AGBL4: variants seen among roughly 807,000 people sequenced by gnomAD.
AGBL4 encodes AGBL carboxypeptidase 4, also known as cytosolic carboxypeptidase 6.
A neutral mutation model predicts 66.4 loss-of-function variants in AGBL4; 58 were observed. The ratio of observed to expected loss-of-function variants is 0.87; its 90% CI spans 0.71 to 1.09. The LOEUF (loss-of-function observed/expected upper bound fraction) is 1.09, where lower values mean the gene tolerates loss of function less well. Ranked by LOEUF, AGBL4 falls within the 50% of genes least tolerant of loss-of-function variation. The pLI, the probability that AGBL4 is intolerant of heterozygous loss-of-function variation, is 0.00. For synonymous variants in AGBL4, 234 were observed against 222.9 expected, an observed-to-expected ratio of 1.05 and a Z score of -0.44; for missense variants, 579 against 631.0, an observed-to-expected ratio of 0.92 and a Z score of 0.88.
Position 49,925,976 on chromosome 1 carries a change from A to C in AGBL4, c.35-74458T>G, listed in dbSNP as rs538619494. ...TTGCCACCCTGAAGGAAGCTACACA[A>C]GCCTGTCTGGCTTTGCCACCTGCTG... On this transcript the variant is annotated intron_variant, in intron 1 of 13. Coordinates refer to ENST00000371839, the MANE Select transcript of AGBL4 (RefSeq NM_032785.4). Among the ~76,000 whole-genome samples the C allele has an allele frequency of 4.3e-4, 65 of 152,290 alleles. No homozygotes were observed. In the Middle Eastern group the frequency reaches 0.01, roughly 24 times the overall value.
At chr1:48,832,795 G>A (rs1017736113) in intron 6 of AGBL4, among the ~76,000 whole-genome samples, 1 of 152,208 alleles carries the variant, frequency 6.6e-6, no homozygotes, top group African/African-American at 2.4e-5. Flanking sequence ...TAAAAAGGCA[G>A]AGAAAGGGAA....
intron 9 of AGBL4, among the ~76,000 whole-genome samples, chr1:48,616,887 T>C (rs573948998): frequency 1.2e-3 from 187 of 152,358 alleles, no homozygotes; most frequent in African/African-American, 4.3e-3. Context: ...TTCTTTCCTC[T>C]TGTGGCATTT....
At chr1:49,284,285 G>A (rs1644352654) in intron 3 of AGBL4, among the ~76,000 whole-genome samples, 1 of 151,998 alleles carries the variant, frequency 6.6e-6, no homozygotes, top group African/African-American at 2.4e-5. Flanking sequence ...CTTCATAAGT[G>A]AAGGAGAAAT....
intron 1 of AGBL4, among the ~76,000 whole-genome samples, chr1:49,905,179 A>C (rs1650154760): frequency 6.6e-6 from 1 of 152,144 alleles, no homozygotes; most frequent in East Asian, 1.9e-4. Context: ...CCTGCTTCAC[A>C]AATGTTTCTC....
intron 1 of AGBL4, among the ~76,000 whole-genome samples, chr1:49,990,315 T>C (rs1659842743): frequency 6.6e-6 from 1 of 152,130 alleles, no homozygotes; most frequent in Non-Finnish European, 1.5e-5. Flanking sequence ...GGGAGGTGAT[T>C]GAATCATGTG....
intron 4 of AGBL4, among the ~76,000 whole-genome samples, chr1:49,109,862 A>G (rs1046904077): frequency 5.9e-5 from 9 of 152,162 alleles, no homozygotes; most frequent in African/African-American, 2.2e-4. Flanking sequence ...GTTTTTAGCA[A>G]ATAGAACAAT....
At chr1:49,796,671 T>C (rs1302145682) in intron 2 of AGBL4, among the ~76,000 whole-genome samples, 3 of 151,700 alleles carry the variant, frequency 2.0e-5, no homozygotes, top group Non-Finnish European at 3.0e-5. Context: ...TCTGCTTTTT[T>C]CTATAAATTA....
At chr1:48,669,438 T>C (rs1372598142) in intron 6 of AGBL4, among the ~76,000 whole-genome samples, 1 of 151,926 alleles carries the variant, frequency 6.6e-6, no homozygotes, top group Non-Finnish European at 1.5e-5. Flanking sequence ...TCCTCTATCC[T>C]CTACATGCCA....
intron 9 of AGBL4, among the ~76,000 whole-genome samples, chr1:48,597,494 C>G (rs1398831801): frequency 6.6e-6 from 1 of 152,006 alleles, no homozygotes; most frequent in Non-Finnish European, 1.5e-5. Flanking sequence ...GTAGTGTGAT[C>G]AGGGAAGGCC....
chr1:48,823,463 A>G (rs1407434647), intron 6 of AGBL4, among the ~76,000 whole-genome samples: 1 of 152,160 alleles, frequency 6.6e-6, no homozygotes, highest in South Asian at 2.1e-4. Flanking sequence ...GTCCTTACCA[A>G]TCACCTTTCC....
chr1:48,652,944 A>G (rs1446673488), intron 8 of AGBL4, among the ~76,000 whole-genome samples: 1 of 152,202 alleles, frequency 6.6e-6, no homozygotes, highest in East Asian at 1.9e-4. Context: ...TCTGCAAAAC[A>G]CATTCCTTCC....
chr1:48,852,956 C>T (rs1388857515), intron 6 of AGBL4, among the ~76,000 whole-genome samples: 1 of 152,146 alleles, frequency 6.6e-6, no homozygotes, highest in African/African-American at 2.4e-5. Flanking sequence ...AATCTAACTT[C>T]CTAGTATTCA....
In AGBL4 at chr1:49,836,567, C is replaced by A. The variant is rs1571680122; in HGVS notation, c.157+14829G>T. 2.6e-5 allele frequency among the ~76,000 whole-genome samples: 4 copies of A among 152,156 alleles called. No homozygotes were observed. The South Asian group carries it at 8.3e-4, about 32-fold the overall frequency. On this transcript the variant is annotated intron_variant, in intron 2 of 13. Coordinates refer to ENST00000371839, the MANE Select transcript of AGBL4 (RefSeq NM_032785.4). ...GTTTATTATTACCCACCTTCTGAAG[C>A]CTACTTCTGTCAATTCATCAAACTC...
At chr1:48,842,862 A>G (rs1421105768) in intron 6 of AGBL4, among the ~76,000 whole-genome samples, 13 of 152,184 alleles carry the variant, frequency 8.5e-5, no homozygotes, top group Admixed American at 8.5e-4. Context: ...ATCTCGTTGC[A>G]TGCTACAACA....
chr1:48,776,225 A>AG (rs543076802), intron 6 of AGBL4, among the ~76,000 whole-genome samples: 83 of 152,212 alleles, frequency 5.5e-4, no homozygotes, highest in Non-Finnish European at 9.7e-4. Flanking sequence ...AACAGAGGGA[A>AG]GGAACTGGGA....
chr1:48,699,477 T>C (rs1198959513), intron 6 of AGBL4, among the ~76,000 whole-genome samples: 3 of 152,336 alleles, frequency 2.0e-5, no homozygotes, highest in African/African-American at 7.2e-5. Flanking sequence ...TGCAACCTGA[T>C]GTTCAACTAC....
At chr1:48,941,066 T>C (rs781724897) in intron 5 of AGBL4, among the ~76,000 whole-genome samples, 3 of 152,084 alleles carry the variant, frequency 2.0e-5, no homozygotes, top group Non-Finnish European at 2.9e-5. Flanking sequence ...AGAGGATCAA[T>C]AGAAGCTTCA....
intron 3 of AGBL4, among the ~76,000 whole-genome samples, chr1:49,298,532 G>A (rs1644684935): frequency 6.6e-6 from 1 of 152,168 alleles, no homozygotes; most frequent in Non-Finnish European, 1.5e-5. Flanking sequence ...CAGCAATCAT[G>A]CTAAATCAGG....
At chr1:48,553,738 G>T (rs1644282363) in intron 11 of AGBL4, among the ~76,000 whole-genome samples, 1 of 152,020 alleles carries the variant, frequency 6.6e-6, no homozygotes, top group Non-Finnish European at 1.5e-5. Context: ...AAGAATCTCT[G>T]CTCTAGGTCT....
Sources: gnomAD v4.1 joint callset for allele counts (sites outside exome capture counted in the v4.1 genomes callset) on GRCh38, gnomAD v4.1.1 for gene constraint, MANE v1.5 for transcripts, NCBI Gene and HGNC (gene_info 2026-07-23, HGNC 2026-07-21) for gene names.